Variants in ALOXE3 observed in about 807,000 individuals in gnomAD.
ALOXE3 encodes arachidonate epidermal lipoxygenase 3, also known as hydroperoxide isomerase ALOXE3.
In ALOXE3, 78 loss-of-function variants were observed where a neutral mutation model predicts 87.5. The observed-to-expected ratio is 0.89, with a 90% CI of 0.74 to 1.08. The LOEUF (loss-of-function observed/expected upper bound fraction) is 1.08, where lower values mean the gene tolerates loss of function less well. Ranked by LOEUF, ALOXE3 falls within the 50% of genes least tolerant of loss-of-function variation. ALOXE3 has a pLI of 0.00. For missense variants in ALOXE3, 946 were observed against 912.4 expected, an observed-to-expected ratio of 1.04 and a Z score of -0.47; for synonymous variants, 363 against 370.8, an observed-to-expected ratio of 0.98 and a Z score of 0.24.
rs769100912 is a variant in ALOXE3 at position 8,114,608 on chromosome 17, T to C, written c.556A>G (p.Ser186Gly). ...TTTCVDQGDSSGNRYLPGFPM... is the reference protein window; with the variant it reads ...TTTCVDQGDSGGNRYLPGFPM... ...AAGCCGGGCAGGTACCGATTCCCAC[T>C]GCTGGGGGTCGGGGGAGTAGAAAGA... Residue 186 changes from serine (S) to glycine (G), a missense_variant and splice_region_variant, in exon 6 of 16, where the codon AGT (serine) becomes GGT (glycine). By Grantham distance (56) the Ser-to-Gly change is moderately conservative. Coordinates refer to ENST00000448843, the MANE Select transcript of ALOXE3 (RefSeq NM_021628.3). 6.2e-7 allele frequency: 1 copy of C among 1,613,944 alleles called. No homozygotes were observed. Among genetic ancestry groups the C allele is most frequent in the Admixed American group, 1.7e-5 (1 of 60,010 alleles).
At chr17:8,102,923 G>A (rs536150319) in intron 15 of ALOXE3, among the ~76,000 whole-genome samples, 4 of 152,278 alleles carry the variant, frequency 2.6e-5, no homozygotes, top group African/African-American at 9.6e-5. Context: ...ACAACACGGT[G>A]GTGCCCTTTT....
intron 6 of ALOXE3, 140 bp downstream of exon 6, chr17:8,114,344 G>GA: frequency 8.4e-7 from 1 of 1,192,468 alleles, no homozygotes; most frequent in Non-Finnish European, 1.2e-6. Flanking sequence ...GGGGCAGGGA[G>GA]AGGGAATGAG....
In ALOXE3 at chr17:8,098,999, C is replaced by T. The variant is rs79226502; in HGVS notation, c.1957-2193G>A. Among the ~76,000 whole-genome samples the T allele has an allele frequency of 4.0e-3, 607 of 151,156 alleles. 1 individual carries two copies. Among genetic ancestry groups the T allele is most frequent in the Non-Finnish European group, 6.1e-3 (411 of 67,874 alleles). On this transcript the variant is annotated intron_variant, in intron 15 of 15. Transcript: ENST00000448843. Reference sequence around the variant, plus strand: ...CCGAGTAGCTGGGATCACAGCCATACGCCATCATGCCCGGCTAGTTTTCTT... The same window carrying T: ...CCGAGTAGCTGGGATCACAGCCATATGCCATCATGCCCGGCTAGTTTTCTT...
intron 15 of ALOXE3, among the ~76,000 whole-genome samples, chr17:8,098,299 C>T (rs370403531): frequency 5.0e-5 from 6 of 119,276 alleles, no homozygotes; most frequent in South Asian, 6.1e-4. Context: ...AGTGCAGTGG[C>T]GCGATCTTGG....
At chr17:8,114,096 G>A (rs1980356387) in intron 6 of ALOXE3, among the ~76,000 whole-genome samples, 1 of 151,958 alleles carries the variant, frequency 6.6e-6, no homozygotes, top group Admixed American at 6.6e-5. Context: ...GGCAAGGGGG[G>A]ATGAATGATC....
chr17:8,112,237 A>T, intron 6 of ALOXE3, 41 bp from the exon 7 acceptor site: 2 of 1,496,042 alleles, frequency 1.3e-6, no homozygotes, highest in Non-Finnish European at 1.9e-6. Context: ...TCTGGGGGCT[A>T]GAGTCTGCTG....
At position 8,098,616 on chromosome 17, in the gene ALOXE3, A is replaced by G. The variant is rs569494091; in HGVS notation, c.1957-1810T>C. ...GTTTTTATTAGTAATGGCTGCTCAC[A>G]TTTATCAAATGCTTTTTCAGCACAT... On this transcript the variant is annotated intron_variant, in intron 15 of 15. Coordinates refer to ENST00000448843, the MANE Select transcript of ALOXE3 (RefSeq NM_021628.3). Among the ~76,000 whole-genome samples the G allele has an allele frequency of 3.9e-5, 6 of 152,238 alleles. No homozygotes were observed. In the South Asian group the frequency reaches 1.2e-3, roughly 32 times the overall value.
At chr17:8,100,139 G>A (rs889623601) in intron 15 of ALOXE3, among the ~76,000 whole-genome samples, 1 of 151,858 alleles carries the variant, frequency 6.6e-6, no homozygotes, top group East Asian at 1.9e-4. Context: ...GGGAGGGAGA[G>A]GGGGGAGGGA....
Position 8,109,281 on chromosome 17 carries a change from G to C in ALOXE3, c.1455C>G (p.Thr485=), listed in dbSNP as rs1406803374. 1.2e-6 allele frequency: 2 copies of C among 1,614,166 alleles called. No homozygotes were observed. The highest frequency in any genetic ancestry group is 1.3e-5 in the African/African-American group (1 of 75,082). The change falls in exon 12 of 16, where the codon ACC becomes ACG. Residue 485 remains threonine (T), a synonymous_variant. Coordinates refer to ENST00000448843, the MANE Select transcript of ALOXE3 (RefSeq NM_021628.3). ...TGTCCGGAAGGCAGAAATTGGTGTA[G>C]GTGAAGTGGGCCAGGCCCGTGCTCA... ...YLMSTGLAHF[T]YTNFCLPDSL...
At chr17:8,109,495 G>T (rs1358554254) in intron 11 of ALOXE3, 152 bp from the exon 12 acceptor site, 1 of 1,007,300 alleles carries the variant, frequency 9.9e-7, no homozygotes, top group South Asian at 1.5e-5. Flanking sequence ...CCTGCCTGAC[G>T]CAGGCTGCGC....
At chr17:8,108,137 A>G (rs2151836818) in intron 13 of ALOXE3, among the ~76,000 whole-genome samples, 1 of 152,262 alleles carries the variant, frequency 6.6e-6, no homozygotes, top group South Asian at 2.1e-4. Context: ...AAGTTCCCAG[A>G]ATCCTCTGAA....
chr17:8,115,957 TC>T (rs1046773051), intron 3 of ALOXE3, among the ~76,000 whole-genome samples: 8 of 152,248 alleles, frequency 5.3e-5, no homozygotes, highest in Admixed American at 2.6e-4. Context: ...CGTCTTGTAT[TC>T]CTTTTTCTTC....
At chr17:8,107,219 C>G (rs779652154) in intron 13 of ALOXE3, among the ~76,000 whole-genome samples, 18 of 152,106 alleles carry the variant, frequency 1.2e-4, no homozygotes, top group Non-Finnish European at 2.5e-4. Context: ...GAAGGGTCAC[C>G]CTTTAAAAAC....
intron 2 of ALOXE3, 57 bp downstream of exon 2, chr17:8,117,787 C>A: frequency 6.3e-7 from 1 of 1,579,724 alleles, no homozygotes; most frequent in Non-Finnish European, 8.6e-7. Context: ...GAATACTCCT[C>A]CCGCCTGCGG....
At chr17:8,111,922 T>A (rs1047141123) in intron 7 of ALOXE3, among the ~76,000 whole-genome samples, 171 bp downstream of exon 7, 1 of 152,134 alleles carries the variant, frequency 6.6e-6, no homozygotes, top group Non-Finnish European at 1.5e-5. Flanking sequence ...AGGTGCTTTG[T>A]TCTCCAGAGG....
chr17:8,108,061 A>AAGAAAGAT (rs1979663131), intron 13 of ALOXE3, among the ~76,000 whole-genome samples: 1 of 149,212 alleles, frequency 6.7e-6, no homozygotes, highest in Non-Finnish European at 1.5e-5. Context: ...GAAAGAAAGA[A>AAGAAAGAT]AGAAAGGAAG....
intron 8 of ALOXE3, 142 bp downstream of exon 8, chr17:8,111,217 G>T: frequency 9.4e-7 from 1 of 1,065,074 alleles, no homozygotes; most frequent in Non-Finnish European, 1.4e-6. Context: ...AAAGTGTGCA[G>T]GACCATGGCT....
chr17:8,111,322 C>T (rs775018195), intron 8 of ALOXE3, 37 bp downstream of exon 8: 1 of 1,611,202 alleles, frequency 6.2e-7, no homozygotes, highest in East Asian at 2.2e-5. Flanking sequence ...ACACCCACCT[C>T]CCACCTATCA....
Position 8,118,505 on chromosome 17 carries a change from T to A in ALOXE3, c.-333A>T. Reference sequence around the variant, plus strand: ...GGGCACCTGCATTCCTACGTGTGAATCATCCGTGTGAATCACTAAACAGTG... The same window carrying A: ...GGGCACCTGCATTCCTACGTGTGAAACATCCGTGTGAATCACTAAACAGTG... On this transcript the variant is annotated 5_prime_UTR_variant, in exon 1 of 16. Transcript: ENST00000448843. The A allele has an allele frequency of 6.5e-7, 1 of 1,540,992 alleles. No individual in the cohort carries two copies. The highest frequency in any genetic ancestry group is 8.7e-7 in the Non-Finnish European group (1 of 1,144,674).
Sources: allele counts gnomAD v4.1 joint callset (sites outside exome capture counted in the v4.1 genomes callset), GRCh38; gene constraint gnomAD v4.1.1; transcripts MANE v1.5; gene names NCBI Gene and HGNC (gene_info 2026-07-23, HGNC 2026-07-21).